RPAP1: variants seen among roughly 807,000 people sequenced by gnomAD.
RPAP1 encodes the protein RNA polymerase II associated protein 1.
In RPAP1, 109 loss-of-function variants were observed where a neutral mutation model predicts 142.4. The observed-to-expected ratio is 0.77, with a 90% CI of 0.66 to 0.90. The LOEUF (loss-of-function observed/expected upper bound fraction) is 0.90. Among genes scored for constraint, RPAP1 ranks in the 40% least tolerant of loss-of-function variants. RPAP1 has a pLI of 0.00. For missense variants in RPAP1, 1,546 were observed against 1,751.7 expected (o/e 0.88, Z 2.10); for synonymous variants, 704 against 738.9 (o/e 0.95, Z 0.77).
At chr15:41,531,259 C>T (rs79667724) in intron 6 of RPAP1, 57 bp from the exon 7 acceptor site, 32 of 1,524,260 alleles carry the variant, frequency 2.1e-5, no homozygotes, top group Non-Finnish European at 2.8e-5. Flanking sequence ...TGGCCTCCTA[C>T]AGACCTGGAA....
chr15:41,521,250 T>G lies in RPAP1; in HGVS notation c.3039-103A>C, dbSNP rs917220446. The G allele has an allele frequency of 1.9e-4, 214 of 1,151,506 alleles. 1 individual carries two copies. Among genetic ancestry groups the G allele is most frequent in the Non-Finnish European group, 2.4e-4 (196 of 818,858 alleles). 71.3% of individuals were successfully genotyped at this position (1,151,506 alleles called of 1,614,324 possible). ...CTGGAGGCTCCTAGGTCCAGACCTG[T>G]GCCTCTCTGCTCCCTTAACTACTTC... On this transcript the variant is annotated intron_variant, in intron 21 of 24. Coordinates refer to ENST00000304330, the MANE Select transcript of RPAP1 (RefSeq NM_015540.4).
Position 41,525,033 on chromosome 15 carries a change from C to T in RPAP1, c.2033G>A (p.Trp678Ter), listed in dbSNP as rs1365910304. Residue 678 changes from tryptophan (W) to a stop codon, truncating the protein, a stop_gained, in exon 15 of 25, where the codon TGG becomes TAG. Coordinates refer to ENST00000304330, the MANE Select transcript of RPAP1 (RefSeq NM_015540.4). LOFTEE classifies it high-confidence loss of function. Reference protein sequence around the residue: ...EMLSTEALRLWAVAASYGQGG... With the variant: ...EMLSTEALRL ...CTGGCCATAGGAGGCAGCCACAGCCCACAGACGGAGGGCCTCGGTGCTCAG... is the reference window on the plus strand; with the variant it reads ...CTGGCCATAGGAGGCAGCCACAGCCTACAGACGGAGGGCCTCGGTGCTCAG... 1 of 1,614,036 alleles carries T rather than the reference C, an allele frequency of 6.2e-7. No homozygotes were observed. The highest frequency in any genetic ancestry group is 1.1e-5 in the South Asian group (1 of 91,084).
At chr15:41,517,980 C>T in intron 23 of RPAP1, 26 bp downstream of exon 23, 1 of 1,614,082 alleles carries the variant, frequency 6.2e-7, no homozygotes, top group African/African-American at 1.3e-5. Flanking sequence ...TCCCTTCCTT[C>T]CTCTGAAGAT....
At chr15:41,531,615 ATATATATATATATTTTTTT>A (rs1319328704) in intron 6 of RPAP1, among the ~76,000 whole-genome samples, 2 of 24,950 alleles carry the variant, frequency 8.0e-5, no homozygotes, top group African/African-American at 4.7e-4. Context: ...ATATATATAT[ATATATATATATATTTTTTT>A]TTTTTTTTTT....
At chr15:41,530,032 C>G (rs1435004138) in intron 7 of RPAP1, 53 bp from the exon 8 acceptor site, 1 of 1,414,664 alleles carries the variant, frequency 7.1e-7, no homozygotes, top group East Asian at 2.4e-5. Context: ...TCACTATCCA[C>G]AGGGGTCCCC....
chr15:41,524,629 C>T (rs929729695), intron 15 of RPAP1, among the ~76,000 whole-genome samples: 2 of 152,048 alleles, frequency 1.3e-5, no homozygotes, highest in African/African-American at 4.8e-5. Context: ...GTGTGTGCCA[C>T]CACGCCTGGC....
In RPAP1 at chr15:41,517,534, C is replaced by A; in HGVS notation, c.*8G>T. 6.5e-7 allele frequency: 1 copy of A among 1,537,560 alleles called. No individual in the cohort carries two copies. Among genetic ancestry groups the A allele is most frequent in the South Asian group, 1.3e-5 (1 of 79,166 alleles). ...AACGTACCCATCTTTCCATCTATAT[C>A]AACTATCCTAGGTCTCTGATACCCC... On this transcript the variant is annotated 3_prime_UTR_variant, in exon 25 of 25. Coordinates refer to ENST00000304330, the MANE Select transcript of RPAP1 (RefSeq NM_015540.4).
Position 41,536,221 on chromosome 15 carries a change from G to A in RPAP1, c.331-3C>T. ...GCCACTGAACTTGTATCTCGTTCCT[G>A]TAGCAACAAAGCACAAAGTTGTGAA... On this transcript the variant is annotated splice_polypyrimidine_tract_variant and splice_region_variant and intron_variant, in intron 3 of 24. Transcript: ENST00000304330. 6.2e-7 allele frequency: 1 copy of A among 1,613,698 alleles called. No homozygotes were observed. The highest frequency in any genetic ancestry group is 8.5e-7 in the Non-Finnish European group (1 of 1,179,664).
intron 1 of RPAP1, among the ~76,000 whole-genome samples, chr15:41,542,961 T>G (rs992268004): frequency 6.6e-6 from 1 of 152,106 alleles, no homozygotes; most frequent in Admixed American, 6.6e-5. Context: ...CATAGTATGG[T>G]AACAATTCAC....
chr15:41,531,338 C>G (rs1176690473), intron 6 of RPAP1, 136 bp from the exon 7 acceptor site: 1 of 832,090 alleles, frequency 1.2e-6, no homozygotes, highest in Non-Finnish European at 1.8e-6. Context: ...GGGCCTGAGC[C>G]TTCTGGGTGC....
intron 17 of RPAP1, 102 bp downstream of exon 17, chr15:41,523,669 G>C: frequency 1.0e-6 from 1 of 979,222 alleles, no homozygotes; most frequent in Non-Finnish European, 1.6e-6. Flanking sequence ...AGTAAATGGG[G>C]AAGTAGGAGT....
At position 41,541,163 on chromosome 15, in the gene RPAP1, C is replaced by G. The variant is rs141334718; in HGVS notation, c.-77+3056G>C. Among the ~76,000 whole-genome samples the G allele has an allele frequency of 2.3e-3, 350 of 152,272 alleles. 2 individuals are homozygous for G. The highest frequency in any genetic ancestry group is 8.2e-3 in the African/African-American group (341 of 41,562). On this transcript the variant is annotated intron_variant, in intron 1 of 24. Coordinates refer to ENST00000304330, the MANE Select transcript of RPAP1 (RefSeq NM_015540.4). ...TAGGGCCGGGCGCAGTGGCTCACAC[C>G]TGTAATCCCAGCACTTTGAGGCTGA...
chr15:41,541,832 G>A (rs2051975475), intron 1 of RPAP1, among the ~76,000 whole-genome samples: 1 of 152,146 alleles, frequency 6.6e-6, no homozygotes, highest in African/African-American at 2.4e-5. Flanking sequence ...GGGGGACAGA[G>A]CATGAGACTC....
chr15:41,517,887 G>A (rs1363890772), intron 23 of RPAP1, 30 bp from the exon 24 acceptor site: 20 of 1,614,054 alleles, frequency 1.2e-5, no homozygotes, highest in South Asian at 2.2e-5. Context: ...AGGTGGCACT[G>A]AGCCGAGGGC....
rs2051817552 is a variant in RPAP1 at position 41,528,447 on chromosome 15, C to G, written c.1159-111G>C. 31 of 745,054 alleles carry G rather than the reference C, an allele frequency of 4.2e-5. 1 individual carries two copies. The South Asian group carries it at 4.6e-4, about 11-fold the overall frequency. The allele number at this position is 745,054 out of a possible 1,614,324, so 46.2% of individuals were successfully genotyped here. ...AGATAAATAAGTGAAATCTGCCCTG[C>G]TTTCCATGGAGCCTCAAGCCGGTAA... is the stretch of plus-strand genomic sequence containing the variant. On this transcript the variant is annotated intron_variant, in intron 9 of 24. Transcript: ENST00000304330.
intron 22 of RPAP1, 168 bp from the exon 23 acceptor site, chr15:41,518,350 A>C: frequency 3.6e-6 from 2 of 557,718 alleles, no homozygotes; most frequent in South Asian, 3.8e-5. Context: ...TACAGAGCAG[A>C]TGTTGGGGAA....
rs944446872 is a variant in RPAP1, at chr15:41,534,878, C to T, written c.599G>A (p.Ser200Asn). ...ATTGGGTCCCTGAAAGCTGTGGCTG[C>T]TCCCAGGAAGCTGGCAGCCCTGGTT... Reference protein sequence around the residue: ...PRNQGCQLPGSSHSFQGPNLV... With the variant: ...PRNQGCQLPGNSHSFQGPNLV... Residue 200 changes from serine to asparagine, a missense_variant, in exon 6 of 25, where the codon AGC (serine) becomes AAC (asparagine). Physicochemically the swap from Ser to Asn is conservative, Grantham distance 46 (BLOSUM62 1). Transcript: ENST00000304330. 9.3e-6 allele frequency: 15 copies of T among 1,614,212 alleles called. No homozygotes were observed. Among genetic ancestry groups the T allele is most frequent in the Non-Finnish European group, 1.3e-5 (15 of 1,180,040 alleles).
rs2051684801 is a variant in RPAP1 at position 41,518,095 on chromosome 15, C to T, written c.3883G>A (p.Ala1295Thr). 1.2e-6 allele frequency: 2 copies of T among 1,608,816 alleles called. No individual in the cohort carries two copies. The highest frequency in any genetic ancestry group is 2.2e-5 in the South Asian group (2 of 90,350). The change falls in exon 23 of 25, where the codon GCG becomes ACG. Residue 1295 changes from alanine to threonine, a missense_variant. This residue lies in a region of RPAP1 where 210 missense variants were observed against 248.0 expected (regional missense o/e 0.85). Coordinates refer to ENST00000304330, the MANE Select transcript of RPAP1 (RefSeq NM_015540.4). The stretch of plus-strand genomic sequence containing the variant: ...ACGGGGCACCAACGTGGGCGGAGCG[C>T]ACCAGTAACCAGGGTCCGGAAGTAG... ...QLYFRTLVTGALRPRWCPVLY... is the reference protein window; with the variant it reads ...QLYFRTLVTGTLRPRWCPVLY...
At chr15:41,534,967 C>A in intron 5 of RPAP1, 32 bp from the exon 6 acceptor site, 1 of 1,604,808 alleles carries the variant, frequency 6.2e-7, no homozygotes, top group South Asian at 1.1e-5. Context: ...ATTCATTGCT[C>A]TGTCCTCCAG....
Sources: gnomAD v4.1 joint callset for allele counts (sites outside exome capture counted in the v4.1 genomes callset) on GRCh38, gnomAD v4.1.1 for gene constraint, gnomAD v4.1.1 regional missense constraint, MANE v1.5 for transcripts, NCBI Gene and HGNC (gene_info 2026-07-23, HGNC 2026-07-21) for gene names.